TRAPPC2L: variants seen among roughly 807,000 people sequenced by gnomAD.
The protein encoded by TRAPPC2L is trafficking protein particle complex subunit 2L.
In TRAPPC2L, 17 loss-of-function variants were observed where a neutral mutation model predicts 13.2. That is an observed-to-expected ratio of 1.29 (90% CI 0.88 to 1.93). The LOEUF is 1.93. Ranked by LOEUF, TRAPPC2L falls within the 30% of genes most tolerant of loss-of-function variation. TRAPPC2L has a pLI of 0.00. For synonymous variants in TRAPPC2L, 150 were observed against 98.1 expected, an observed-to-expected ratio of 1.53 and a Z score of -3.12; for missense variants, 359 against 252.1, an observed-to-expected ratio of 1.42 and a Z score of -2.87.
chr16:88,860,356 C>T (rs372282840), exon 4 of TRAPPC2L: 4 of 662,198 alleles, frequency 6.0e-6, no homozygotes, highest in African/African-American at 1.8e-5. Flanking sequence ...CAGTCAGGAA[C>T]CTGGTTTGCA....
chr16:88,856,495 G>A (rs772775448), upstream of TRAPPC2L: 3 of 699,072 alleles, frequency 4.3e-6, no homozygotes, highest in Admixed American at 2.0e-5. Context: ...CAGTGGCAGC[G>A]CGTGTGGTGA....
At chr16:88,860,747 C>A in exon 4 of TRAPPC2L, 1 of 720,096 alleles carries the variant, frequency 1.4e-6, no homozygotes, top group Non-Finnish European at 2.4e-6. Context: ...GTTCTCAGTG[C>A]CCGGTGGGGT....
chr16:88,861,034 C>T, exon 4 of TRAPPC2L: 1 of 1,477,230 alleles, frequency 6.8e-7, no homozygotes, highest in Non-Finnish European at 9.2e-7. Flanking sequence ...TTCTGGTTGC[C>T]TCTTCCTGAA....
intron 2 of TRAPPC2L, chr16:88,859,407 G>C (rs992679018): frequency 1.4e-6 from 1 of 699,166 alleles, no homozygotes; most frequent in Non-Finnish European, 2.6e-6. Context: ...AGACAGACTC[G>C]GAGTCTAGGT....
rs113301776 is a variant in TRAPPC2L at position 88,857,286 on chromosome 16, C to T, written c.33+103C>T. On this transcript the variant is annotated intron_variant, in intron 1 of 3. Coordinates refer to ENST00000565504, the Ensembl canonical transcript of TRAPPC2L. ...TTAGAAGGCACCTTAGGAAATGGGA[C>T]CTGGAGGAGGCCTTCGCCGAGCTCC... 30,914 of 1,119,822 alleles carry T rather than the reference C, an allele frequency of 0.028. 512 individuals are homozygous for T. The highest frequency in any genetic ancestry group is 0.053 in the African/African-American group (3,257 of 61,098). The allele number at this position is 1,119,822 out of a possible 1,614,324, so 69.4% of individuals were successfully genotyped here.
chr16:88,859,490 G>T (rs1597625437), intron 2 of TRAPPC2L, 173 bp from the exon 3 acceptor site: 2 of 732,874 alleles, frequency 2.7e-6, no homozygotes, highest in Non-Finnish European at 4.9e-6. Flanking sequence ...AACACCAGAC[G>T]TCGCCCTAGC....
chr16:88,859,155 CCTCTTATGTCACTAGACA>C (rs1968198739), intron 2 of TRAPPC2L: 1 of 436,652 alleles, frequency 2.3e-6, no homozygotes. Flanking sequence ...TTAGGCCTTG[CCTCTTATGTCACTAGACA>C]CTCGTCTAGT....
At chr16:88,859,290 A>G (rs2143016080) in intron 2 of TRAPPC2L, 2 of 604,974 alleles carry the variant, frequency 3.3e-6, no homozygotes, top group East Asian at 3.6e-5. Context: ...TTTACAAAAT[A>G]ATGTGGCCTC....
exon 4 of TRAPPC2L, chr16:88,862,191 C>G (rs77639392): frequency 0.025 from 3,864 of 153,984 alleles, 170 homozygotes; most frequent in African/African-American, 0.088. Context: ...GGGATCACTC[C>G]TGCCCGAGTC....
rs368694301 is a variant in TRAPPC2L at position 88,857,485 on chromosome 16, C to T, written c.33+302C>T. ...GGGCACTACCTCCGTCCTCCGTCCTCAGCAGGTTCTGCCCGTTCTCCCGTC... is the reference window on the plus strand; with the variant it reads ...GGGCACTACCTCCGTCCTCCGTCCTTAGCAGGTTCTGCCCGTTCTCCCGTC... On this transcript the variant is annotated intron_variant, in intron 1 of 3. Transcript: ENST00000565504. 1.0e-5 allele frequency: 4 copies of T among 398,748 alleles called. No individual in the cohort carries two copies. The East Asian group carries it at 1.2e-4, about 12-fold the overall frequency. The allele number at this position is 398,748 out of a possible 1,614,324, so 24.7% of individuals were successfully genotyped here. A position where few individuals can be genotyped will look rare whatever the true frequency, so the allele number is the denominator to read the frequency against.
chr16:88,856,946 C>T (rs973158848), upstream of TRAPPC2L: 23 of 1,452,482 alleles, frequency 1.6e-5, no homozygotes, highest in African/African-American at 1.0e-4. Context: ...GCCCTTCCGG[C>T]TGGGCTGCGG....
At chr16:88,859,687 G>A in exon 3 of TRAPPC2L, 1 of 1,614,004 alleles carries the variant, frequency 6.2e-7, no homozygotes, top group Non-Finnish European at 8.5e-7. Flanking sequence ...CCAACTCCAA[G>A]GTGAAGTTTG....
rs1347581166 is a variant in TRAPPC2L, at chr16:88,857,191, C to T, written c.33+8C>T. 6 of 1,570,790 alleles carry T rather than the reference C, an allele frequency of 3.8e-6. No individual in the cohort carries two copies. Among genetic ancestry groups the T allele is most frequent in the East Asian group, 2.5e-5 (1 of 40,656 alleles). On this transcript the variant is annotated splice_region_variant and intron_variant, in intron 1 of 3. Coordinates refer to ENST00000565504, the Ensembl canonical transcript of TRAPPC2L. Reference sequence around the variant, plus strand: ...GCGGTGATTGCCAAGGAGGTGCGTACGCGCGGCGTGGGGCGTCCGGGCTCG... The same window carrying T: ...GCGGTGATTGCCAAGGAGGTGCGTATGCGCGGCGTGGGGCGTCCGGGCTCG...
chr16:88,857,114 G>A (rs757856981), upstream of TRAPPC2L: 26 of 1,537,834 alleles, frequency 1.7e-5, no homozygotes, highest in African/African-American at 1.4e-4. Context: ...CCAGCGGCGG[G>A]TCACGTGACG....
chr16:88,859,569 C>A lies in TRAPPC2L; in HGVS notation c.207-94C>A, dbSNP rs748784502. 4 of 1,187,616 alleles carry A rather than the reference C, an allele frequency of 3.4e-6. No individual in the cohort carries two copies. The East Asian group carries it at 7.0e-5, about 21-fold the overall frequency. 73.6% of individuals were successfully genotyped at this position (1,187,616 alleles called of 1,614,324 possible). A position where few individuals can be genotyped will look rare whatever the true frequency, so the allele number is the denominator to read the frequency against. Reference sequence around the variant, plus strand: ...CCCAGCATGGGCATTTCCTGTGATTCAAGGTTGCCACATTTCTCCAAAGTG... The same window carrying A: ...CCCAGCATGGGCATTTCCTGTGATTAAAGGTTGCCACATTTCTCCAAAGTG... On this transcript the variant is annotated intron_variant, in intron 2 of 3. Coordinates refer to ENST00000565504, the Ensembl canonical transcript of TRAPPC2L.
exon 4 of TRAPPC2L, chr16:88,860,943 T>C: frequency 6.3e-7 from 1 of 1,593,082 alleles, no homozygotes; most frequent in Non-Finnish European, 8.5e-7. Context: ...ACGTCGATGA[T>C]GATACAGGTG....
chr16:88,861,052 C>T, exon 4 of TRAPPC2L: 6 of 1,300,268 alleles, frequency 4.6e-6, no homozygotes, highest in Non-Finnish European at 6.5e-6. Context: ...GAATGGGACG[C>T]CTGGGGCTTT....
At chr16:88,856,499 G>C (rs1489741979), upstream of TRAPPC2L, 1 of 698,700 alleles carries the variant, frequency 1.4e-6, no homozygotes, top group South Asian at 1.5e-5. Context: ...GGCAGCGCGT[G>C]TGGTGATCGG....
chr16:88,860,041 A>G, exon 4 of TRAPPC2L: 1 of 1,383,724 alleles, frequency 7.2e-7, no homozygotes. Context: ...TGGTTGCCAA[A>G]ATGCAACCAT....
Sources: allele counts gnomAD v4.1 joint callset, GRCh38; gene constraint gnomAD v4.1.1; transcripts MANE v1.5; gene names NCBI Gene and HGNC (gene_info 2026-07-23, HGNC 2026-07-21).